The following ATP6V0E1 variants were observed in gnomAD, a reference collection of about 807,000 sequenced individuals.
The protein encoded by ATP6V0E1 is V-type proton ATPase subunit e 1.
Under a neutral mutation model 11.6 loss-of-function variants are expected in ATP6V0E1, and 4 were observed. That is an observed-to-expected ratio of 0.35 (90% CI 0.17 to 0.79). ATP6V0E1 has a LOEUF of 0.79. ATP6V0E1 is among the 30% of genes least tolerant of loss of function. The pLI is 0.54. For synonymous variants in ATP6V0E1, 36 were observed against 34.8 expected (o/e 1.04, Z -0.13); for missense variants, 105 against 100.0 (o/e 1.05, Z -0.21).
intron 3 of ATP6V0E1, among the ~76,000 whole-genome samples, chr5:173,025,376 C>T (rs1756542746): frequency 6.6e-6 from 1 of 151,432 alleles, no homozygotes; most frequent in African/African-American, 2.4e-5. Context: ...AACTCCTGAC[C>T]TCAAGTGATC....
chr5:172,992,463 C>T (rs1188858398), intron 1 of ATP6V0E1, among the ~76,000 whole-genome samples: 1 of 152,104 alleles, frequency 6.6e-6, no homozygotes, highest in African/African-American at 2.4e-5. Context: ...TCTGTGTCAG[C>T]CACACAGACC....
chr5:172,990,593 C>T (rs1318028606), intron 1 of ATP6V0E1, among the ~76,000 whole-genome samples: 1 of 151,930 alleles, frequency 6.6e-6, no homozygotes, highest in Non-Finnish European at 1.5e-5. Flanking sequence ...CTTTGGAAGG[C>T]TGAGGTGGGT....
chr5:172,984,952 GAA>G (rs1464680590), intron 1 of ATP6V0E1, among the ~76,000 whole-genome samples: 6 of 152,108 alleles, frequency 3.9e-5, no homozygotes, highest in African/African-American at 1.2e-4. Flanking sequence ...TTTATTAAAA[GAA>G]AAAGATTTTT....
intron 2 of ATP6V0E1, among the ~76,000 whole-genome samples, chr5:172,997,119 A>G (rs1756078136): frequency 6.6e-6 from 1 of 152,180 alleles, no homozygotes; most frequent in Non-Finnish European, 1.5e-5. Context: ...GTGATCCTAT[A>G]TCAAAAGAAA....
intron 2 of ATP6V0E1, among the ~76,000 whole-genome samples, chr5:173,008,369 G>A (rs1259493455): frequency 7.0e-6 from 1 of 142,404 alleles, no homozygotes. Context: ...GCTCAATCTT[G>A]GCTCACTGCA....
chr5:173,025,731 C>A (rs1473440782), intron 3 of ATP6V0E1, among the ~76,000 whole-genome samples: 7 of 151,938 alleles, frequency 4.6e-5, no homozygotes, highest in Non-Finnish European at 2.9e-5. Flanking sequence ...CTCCTGAGCT[C>A]AAGCGATCCA....
chr5:172,997,800 G>C (rs1317498650), intron 2 of ATP6V0E1, among the ~76,000 whole-genome samples: 2 of 144,832 alleles, frequency 1.4e-5, no homozygotes, highest in African/African-American at 2.6e-5. Context: ...GCGACAGAGC[G>C]AGACTCCGTC....
chr5:173,014,646 A>T (rs750063570), intron 2 of ATP6V0E1, among the ~76,000 whole-genome samples: 51 of 152,206 alleles, frequency 3.4e-4, no homozygotes, highest in Non-Finnish European at 4.8e-4. Flanking sequence ...ACATGTTCTC[A>T]CTTATATGTG....
chr5:173,009,140 C>CA (rs770549755), intron 2 of ATP6V0E1, among the ~76,000 whole-genome samples: 40 of 151,898 alleles, frequency 2.6e-4, no homozygotes, highest in Non-Finnish European at 4.6e-4. Context: ...GCACAAGGAT[C>CA]GCTTGAACCA....
intron 2 of ATP6V0E1, among the ~76,000 whole-genome samples, chr5:173,005,350 A>G (rs1211461664): frequency 1.3e-5 from 2 of 152,048 alleles, no homozygotes; most frequent in African/African-American, 4.8e-5. Flanking sequence ...TTTTTGGTGC[A>G]GAGATCTCAC....
At position 172,983,888 on chromosome 5, in the gene ATP6V0E1, C is replaced by T. The variant is rs1755841532; in HGVS notation, c.28C>T (p.Leu10Phe). ...GGCGTATCACGGCCTCACTGTGCCT[C>T]TCATTGTGATGAGCGTGTTCTGGGG... MAYHGLTVP[L>F]IVMSVFWGFV... Residue 10 changes from leucine to phenylalanine, a missense_variant, in exon 1 of 4, where the codon CTC becomes TTC. Leu to Phe is a conservative substitution (Grantham distance 22, BLOSUM62 0). Coordinates refer to ENST00000519374, the MANE Select transcript of ATP6V0E1 (RefSeq NM_003945.4). 17 of 1,613,620 alleles carry T rather than the reference C, an allele frequency of 1.1e-5. No individual in the cohort carries two copies. Among genetic ancestry groups the T allele is most frequent in the Non-Finnish European group, 1.4e-5 (17 of 1,179,838 alleles).
intron 2 of ATP6V0E1, among the ~76,000 whole-genome samples, chr5:173,008,241 AAC>A (rs1320872921): frequency 6.6e-6 from 1 of 152,002 alleles, no homozygotes; most frequent in Admixed American, 6.6e-5. Context: ...TCGTGACTGA[AAC>A]ACACACTCCA....
At chr5:173,032,601 T>A (rs953573069) in intron 3 of ATP6V0E1, among the ~76,000 whole-genome samples, 1 of 152,136 alleles carries the variant, frequency 6.6e-6, no homozygotes, top group Non-Finnish European at 1.5e-5. Flanking sequence ...TACATTTATT[T>A]TAAACTGGTA....
chr5:173,020,214 G>T (rs747699503), intron 2 of ATP6V0E1, 24 bp from the exon 3 acceptor site: 1 of 1,579,158 alleles, frequency 6.3e-7, no homozygotes, highest in Non-Finnish European at 8.7e-7. Flanking sequence ...CCGCTTCGTT[G>T]TTTCTCTCCC....
At chr5:172,988,614 C>G (rs1234114830) in intron 1 of ATP6V0E1, among the ~76,000 whole-genome samples, 1 of 152,178 alleles carries the variant, frequency 6.6e-6, no homozygotes, top group Non-Finnish European at 1.5e-5. Flanking sequence ...AGTACTAGTT[C>G]CCCTTTACCT....
intron 2 of ATP6V0E1, among the ~76,000 whole-genome samples, chr5:173,015,158 A>C (rs1217776067): frequency 6.6e-6 from 1 of 152,228 alleles, no homozygotes; most frequent in Non-Finnish European, 1.5e-5. Flanking sequence ...AAGTGGGAAC[A>C]GTAATCTGAT....
At chr5:172,986,177 A>G (rs1755894284) in intron 1 of ATP6V0E1, among the ~76,000 whole-genome samples, 1 of 152,250 alleles carries the variant, frequency 6.6e-6, no homozygotes, top group African/African-American at 2.4e-5. Flanking sequence ...ATTGCTGTAT[A>G]CCATGGTGGA....
At chr5:172,984,467 C>T (rs1217503433) in intron 1 of ATP6V0E1, among the ~76,000 whole-genome samples, 3 of 152,188 alleles carry the variant, frequency 2.0e-5, no homozygotes, top group Non-Finnish European at 4.4e-5. Flanking sequence ...CTAGTGGGCG[C>T]CAGGAGGCGG....
At chr5:173,021,516 C>A (rs1193778712) in intron 3 of ATP6V0E1, among the ~76,000 whole-genome samples, 1 of 152,086 alleles carries the variant, frequency 6.6e-6, no homozygotes, top group African/African-American at 2.4e-5. Context: ...CCCCATGATT[C>A]AGTTATCTCC....
Sources: allele counts gnomAD v4.1 joint callset (sites outside exome capture counted in the v4.1 genomes callset), GRCh38; gene constraint gnomAD v4.1.1; transcripts MANE v1.5; gene names NCBI Gene and HGNC (gene_info 2026-07-23, HGNC 2026-07-21).